Variants in COL15A1 observed in about 807,000 individuals in gnomAD.
COL15A1 encodes collagen alpha-1(XV) chain.
COL15A1 carries 111 observed loss-of-function variants against 165.9 expected under a neutral mutation model. That is an observed-to-expected ratio of 0.67 (90% CI 0.57 to 0.78). COL15A1 has a LOEUF of 0.78. Ranked by LOEUF, COL15A1 falls within the 30% of genes least tolerant of loss-of-function variation. The probability of loss-of-function intolerance (pLI) is 0.00; values close to 1 mark genes in which losing one functional copy is unlikely to be tolerated. For synonymous variants in COL15A1, 659 were observed against 674.8 expected (o/e 0.98, Z 0.36); for missense variants, 1,745 against 1,789.7 (o/e 0.98, Z 0.45).
chr9:99,063,129 T>G lies in COL15A1; in HGVS notation c.3651+20T>G, dbSNP rs764691223. On this transcript the variant is annotated intron_variant, in intron 39 of 41. Transcript: ENST00000375001. ...CCTGCTGTAAGTACAATTTATACAT[T>G]TAATCTTCAAATACTGAGTGTATAT... 26 of 1,576,516 alleles carry G rather than the reference T, an allele frequency of 1.6e-5. No individual in the cohort carries two copies. The highest frequency in any genetic ancestry group is 3.4e-6 in the Non-Finnish European group (4 of 1,167,778).
intron 2 of COL15A1, among the ~76,000 whole-genome samples, chr9:98,953,043 A>G (rs1035523047): frequency 1.3e-5 from 2 of 152,184 alleles, no homozygotes; most frequent in Admixed American, 1.3e-4. Flanking sequence ...TCTGCATGGT[A>G]TGATTAGATA....
intron 5 of COL15A1, among the ~76,000 whole-genome samples, chr9:98,993,804 C>T (rs1838494382): frequency 6.6e-6 from 1 of 152,172 alleles, no homozygotes. Context: ...CTCTTCAGCT[C>T]AGACAGTCCC....
intron 2 of COL15A1, among the ~76,000 whole-genome samples, chr9:98,959,441 A>G (rs1182392950): frequency 6.6e-6 from 1 of 151,926 alleles, no homozygotes; most frequent in East Asian, 1.9e-4. Context: ...AACTAAAGCA[A>G]CAGTGCAGAG....
chr9:99,056,156 C>A, intron 34 of COL15A1, 104 bp from the exon 35 acceptor site: 1 of 1,194,550 alleles, frequency 8.4e-7, no homozygotes, highest in Non-Finnish European at 1.2e-6. Context: ...ATAACAATAG[C>A]TGGTGTTTAT....
At chr9:99,044,191 G>A (rs913970176) in intron 24 of COL15A1, among the ~76,000 whole-genome samples, 5 of 152,124 alleles carry the variant, frequency 3.3e-5, no homozygotes, top group Non-Finnish European at 5.9e-5. Flanking sequence ...GGCACCATGT[G>A]GCAGGAGATA....
intron 41 of COL15A1, among the ~76,000 whole-genome samples, chr9:99,069,345 C>A (rs1385701890): frequency 1.3e-5 from 2 of 152,144 alleles, no homozygotes; most frequent in Non-Finnish European, 2.9e-5. Context: ...TGGCTTCCTG[C>A]AAGAGGAAGT....
At chr9:98,947,774 A>T (rs532148076) in intron 2 of COL15A1, among the ~76,000 whole-genome samples, 1 of 152,188 alleles carries the variant, frequency 6.6e-6, no homozygotes, top group Non-Finnish European at 1.5e-5. Context: ...GGCCCAGGAC[A>T]GGGCTCCTCA....
At chr9:98,956,270 C>T (rs1837774372) in intron 2 of COL15A1, among the ~76,000 whole-genome samples, 1 of 152,228 alleles carries the variant, frequency 6.6e-6, no homozygotes, top group South Asian at 2.1e-4. Context: ...CATGCCACTA[C>T]ATTCCAGCCT....
At chr9:99,009,140 C>G (rs192187727) in intron 9 of COL15A1, among the ~76,000 whole-genome samples, 4 of 152,246 alleles carry the variant, frequency 2.6e-5, no homozygotes, top group African/African-American at 9.6e-5. Flanking sequence ...TCAAAACTTG[C>G]ATTGAAGAGC....
intron 40 of COL15A1, 69 bp from the exon 41 acceptor site, chr9:99,068,486 A>AT: frequency 3.2e-6 from 2 of 621,356 alleles, no homozygotes; most frequent in Non-Finnish European, 5.2e-6. Context: ...AAAAAAAAAA[A>AT]GAGTAAAAAT....
intron 35 of COL15A1, among the ~76,000 whole-genome samples, chr9:99,059,471 T>C (rs567806566): frequency 6.6e-6 from 1 of 152,214 alleles, no homozygotes; most frequent in Non-Finnish European, 1.5e-5. Context: ...TCCCACTCCC[T>C]AGAGCCTTCT....
At chr9:99,057,555 C>A (rs1294296440) in intron 35 of COL15A1, among the ~76,000 whole-genome samples, 4 of 152,156 alleles carry the variant, frequency 2.6e-5, no homozygotes, top group African/African-American at 9.7e-5. Context: ...TGAAACCTCA[C>A]AACAACACTT....
intron 13 of COL15A1, 116 bp downstream of exon 13, chr9:99,022,266 C>T: frequency 7.5e-7 from 1 of 1,329,686 alleles, no homozygotes; most frequent in Non-Finnish European, 1.1e-6. Context: ...GCAGTCAGAC[C>T]CTAGGGCTTT....
chr9:98,995,248 A>G (rs1022691837), intron 5 of COL15A1, among the ~76,000 whole-genome samples: 6 of 151,898 alleles, frequency 4.0e-5, no homozygotes, highest in African/African-American at 1.2e-4. Context: ...GAGACATCCC[A>G]CCTGGTCTTG....
chr9:98,948,659 C>T (rs1837627700), intron 2 of COL15A1, among the ~76,000 whole-genome samples: 1 of 150,848 alleles, frequency 6.6e-6, no homozygotes, highest in East Asian at 2.0e-4. Context: ...GCCTCTTGTA[C>T]CTCCAATGGT....
chr9:99,047,772 T>C lies in COL15A1; in HGVS notation c.2680-14T>C. 6.2e-7 allele frequency: 1 copy of C among 1,613,984 alleles called. No homozygotes were observed. The highest frequency in any genetic ancestry group is 8.5e-7 in the Non-Finnish European group (1 of 1,179,884). On this transcript the variant is annotated splice_polypyrimidine_tract_variant and intron_variant, in intron 26 of 41. Transcript: ENST00000375001. ...TTCTGTTCTTTTCTAATCTGGCATT[T>C]GTTTTGCCTCTAGGGGCCCAAAGGA...
chr9:98,961,140 C>G (rs1001847161), intron 2 of COL15A1, among the ~76,000 whole-genome samples: 5 of 152,162 alleles, frequency 3.3e-5, no homozygotes, highest in Non-Finnish European at 7.4e-5. Context: ...TCTCATTCAT[C>G]CATTTGTTTA....
chr9:99,027,666 C>G (rs115924592), intron 16 of COL15A1, among the ~76,000 whole-genome samples: 3,918 of 152,138 alleles, frequency 0.026, 161 homozygotes, highest in African/African-American at 0.091. Context: ...ATCAGCAGTG[C>G]AAGGAGCAGC....
At chr9:99,067,187 C>G in intron 40 of COL15A1, 120 bp downstream of exon 40, 1 of 835,772 alleles carries the variant, frequency 1.2e-6, no homozygotes, top group Admixed American at 2.8e-5. Context: ...CTCTCCCTTA[C>G]TGGCTATGTC....
Sources: allele counts gnomAD v4.1 joint callset (sites outside exome capture counted in the v4.1 genomes callset), GRCh38; gene constraint gnomAD v4.1.1; transcripts MANE v1.5; gene names NCBI Gene and HGNC (gene_info 2026-07-23, HGNC 2026-07-21).